Variants in BACH2 observed in about 807,000 individuals in gnomAD.
The protein encoded by BACH2 is transcription regulator protein BACH2.
In BACH2, 5 loss-of-function variants were observed where a neutral mutation model predicts 61.8. The observed-to-expected ratio is 0.08, with a 90% CI of 0.04 to 0.17. The LOEUF is 0.17. BACH2 is among the 10% of genes least tolerant of loss of function. The pLI, the probability that BACH2 is intolerant of heterozygous loss-of-function variation, is 1.00. For synonymous variants in BACH2, 446 were observed against 440.1 expected (o/e 1.01, Z -0.17); for missense variants, 824 against 1,091.1 (o/e 0.76, Z 3.45).
At position 89,972,226 on chromosome 6, in the gene BACH2, C is replaced by T. The variant is rs537499284; in HGVS notation, c.244-20364G>A. On this transcript the variant is annotated intron_variant, in intron 6 of 8. Coordinates refer to ENST00000257749, the MANE Select transcript of BACH2 (RefSeq NM_021813.4). ...CCAGGGGCCTCACTGGAGTCTGTTGCGCAGGAGAGTATGAGGGAGACTCCT... is the reference window on the plus strand; with the variant it reads ...CCAGGGGCCTCACTGGAGTCTGTTGTGCAGGAGAGTATGAGGGAGACTCCT... 5.3e-5 allele frequency among the ~76,000 whole-genome samples: 8 copies of T among 152,140 alleles called. No individual in the cohort carries two copies. The East Asian group carries it at 1.4e-3, about 26-fold the overall frequency.
chr6:90,010,614 G>A (rs1387278183), intron 5 of BACH2, among the ~76,000 whole-genome samples: 3 of 152,166 alleles, frequency 2.0e-5, no homozygotes, highest in African/African-American at 7.2e-5. Context: ...GTAAATACCT[G>A]TGAGTAGAAT....
intron 4 of BACH2, among the ~76,000 whole-genome samples, chr6:90,090,823 CT>C (rs145461943): frequency 0.019 from 2,935 of 152,170 alleles, 40 homozygotes; most frequent in Non-Finnish European, 0.031. Context: ...GTAGTGAGGC[CT>C]TGTATTTTCC....
At chr6:90,112,387 G>A (rs1450703921) in intron 4 of BACH2, among the ~76,000 whole-genome samples, 1 of 152,138 alleles carries the variant, frequency 6.6e-6, no homozygotes, top group African/African-American at 2.4e-5. Flanking sequence ...ATCCCCATCA[G>A]GCTAACAGTG....
At chr6:89,989,192 A>G (rs1191858542) in intron 6 of BACH2, among the ~76,000 whole-genome samples, 1 of 152,212 alleles carries the variant, frequency 6.6e-6, no homozygotes, top group Admixed American at 6.5e-5. Flanking sequence ...TGACCTAGAA[A>G]TGTACACAGT....
intron 6 of BACH2, among the ~76,000 whole-genome samples, chr6:89,972,234 A>G (rs1033380707): frequency 2.0e-5 from 3 of 151,946 alleles, no homozygotes; most frequent in Admixed American, 6.5e-5. Context: ...TGCGCAGGAG[A>G]GTATGAGGGA....
At chr6:90,275,079 C>T (rs1771648793) in intron 1 of BACH2, among the ~76,000 whole-genome samples, 1 of 152,200 alleles carries the variant, frequency 6.6e-6, no homozygotes, top group South Asian at 2.1e-4. Flanking sequence ...AAGGAAAAGG[C>T]TGGATTTTGT....
intron 4 of BACH2, among the ~76,000 whole-genome samples, chr6:90,151,545 TC>T: frequency 6.6e-6 from 1 of 152,328 alleles, no homozygotes; most frequent in Non-Finnish European, 1.5e-5. Context: ...CCCACCTTGG[TC>T]TCCCAAAGTG....
intron 6 of BACH2, among the ~76,000 whole-genome samples, chr6:90,003,963 G>A (rs1224334588): frequency 6.6e-6 from 1 of 152,160 alleles, no homozygotes; most frequent in African/African-American, 2.4e-5. Flanking sequence ...TCAGAATGCT[G>A]TTGTCACCCT....
intron 5 of BACH2, among the ~76,000 whole-genome samples, chr6:90,011,397 T>C (rs1015683239): frequency 1.3e-5 from 2 of 152,248 alleles, no homozygotes; most frequent in Non-Finnish European, 2.9e-5. Flanking sequence ...TCTTTTACTA[T>C]TTTTATGTTT....
At chr6:90,026,917 G>A (rs910424814) in intron 5 of BACH2, among the ~76,000 whole-genome samples, 7 of 152,108 alleles carry the variant, frequency 4.6e-5, no homozygotes, top group Admixed American at 3.3e-4. Context: ...TGGTTCACCC[G>A]GTAACTAAGA....
intron 5 of BACH2, among the ~76,000 whole-genome samples, chr6:90,014,466 A>ATTT (rs1397142525): frequency 5.4e-3 from 277 of 50,862 alleles, no homozygotes; most frequent in African/African-American, 9.3e-3. Context: ...ATATATATAT[A>ATTT]TATTTTTTTT....
rs139484589 is a variant in BACH2 at position 90,152,469 on chromosome 6, G to T, written c.-162+54100C>A. 2.0e-5 allele frequency among the ~76,000 whole-genome samples: 3 copies of T among 152,250 alleles called. No individual in the cohort carries two copies. In the East Asian group the frequency reaches 5.8e-4, roughly 29 times the overall value. On this transcript the variant is annotated intron_variant, in intron 4 of 8. Transcript: ENST00000257749. ...GTTCTAATAATCAGACTATTTTTCA[G>T]CCCCACCTCCAAAATATGGGTAAAT...
At chr6:90,199,458 C>T (rs532775836) in intron 4 of BACH2, among the ~76,000 whole-genome samples, 38 of 152,274 alleles carry the variant, frequency 2.5e-4, no homozygotes, top group African/African-American at 7.9e-4. Flanking sequence ...GACAAATGAG[C>T]GTTAACATAT....
At chr6:90,002,524 C>T (rs1466013121) in intron 6 of BACH2, among the ~76,000 whole-genome samples, 1 of 152,214 alleles carries the variant, frequency 6.6e-6, no homozygotes, top group African/African-American at 2.4e-5. Context: ...AATCCCAGCA[C>T]TTTGGGAGGC....
chr6:90,156,624 G>A (rs1166802003), intron 4 of BACH2, among the ~76,000 whole-genome samples: 1 of 152,116 alleles, frequency 6.6e-6, no homozygotes, highest in East Asian at 1.9e-4. Flanking sequence ...AAACAAGTAG[G>A]CATTTCAGGT....
Position 90,284,188 on chromosome 6 carries a change from G to C in BACH2, c.-445-12247C>G, listed in dbSNP as rs563278234. On this transcript the variant is annotated intron_variant, in intron 1 of 8. Transcript: ENST00000257749. ...CTAAGATAGTGATCTCTGATAGTCT[G>C]GCCAAACTGCAGCAAAACCAACCAA... 2.0e-5 allele frequency among the ~76,000 whole-genome samples: 3 copies of C among 152,202 alleles called. No individual in the cohort carries two copies. In the South Asian group the frequency reaches 6.2e-4, roughly 32 times the overall value.
chr6:90,273,100 C>T (rs955068053), intron 1 of BACH2, among the ~76,000 whole-genome samples: 3 of 152,160 alleles, frequency 2.0e-5, no homozygotes, highest in Admixed American at 6.5e-5. Context: ...GTGGCTCACA[C>T]CTGTAACCCC....
chr6:90,002,811 C>T (rs547893624), intron 6 of BACH2, among the ~76,000 whole-genome samples: 20 of 152,170 alleles, frequency 1.3e-4, no homozygotes, highest in Admixed American at 2.6e-4. Context: ...CAATTCTACC[C>T]GAGTCCCCAA....
intron 4 of BACH2, among the ~76,000 whole-genome samples, chr6:90,097,347 T>G (rs1782422213): frequency 6.6e-6 from 1 of 152,230 alleles, no homozygotes; most frequent in African/African-American, 2.4e-5. Context: ...TGAGTCCCAC[T>G]GTCTCACTGT....
Sources: allele counts gnomAD v4.1 joint callset (sites outside exome capture counted in the v4.1 genomes callset), GRCh38; gene constraint gnomAD v4.1.1; transcripts MANE v1.5; gene names NCBI Gene and HGNC (gene_info 2026-07-23, HGNC 2026-07-21).